Variants in TRAK1 observed in about 807,000 individuals in gnomAD.
The protein encoded by TRAK1 is trafficking kinesin-binding protein 1.
Under a neutral mutation model 92.1 loss-of-function variants are expected in TRAK1, and 33 were observed. The ratio of observed to expected loss-of-function variants is 0.36; its 90% CI spans 0.27 to 0.48. TRAK1 has a LOEUF of 0.48. Ranked by LOEUF, TRAK1 falls within the 20% of genes least tolerant of loss-of-function variation. TRAK1 has a pLI of 0.99. For synonymous variants in TRAK1, 521 were observed against 517.3 expected (o/e 1.01, Z -0.10); for missense variants, 1,123 against 1,257.9 (o/e 0.89, Z 1.62).
intron 2 of TRAK1, among the ~76,000 whole-genome samples, chr3:42,139,904 C>T (rs11129942): frequency 0.62 from 94,021 of 151,760 alleles, 29,404 homozygotes; most frequent in South Asian, 0.77. Flanking sequence ...GCTTCTGGTT[C>T]ACTTGTGTTT....
chr3:42,216,627 G>T (rs1158572350), intron 14 of TRAK1, among the ~76,000 whole-genome samples: 1 of 152,220 alleles, frequency 6.6e-6, no homozygotes, highest in African/African-American at 2.4e-5. Flanking sequence ...CAACACAGGA[G>T]ATCTTGAATA....
At chr3:42,016,765 C>G (rs972360375) in intron 1 of TRAK1, among the ~76,000 whole-genome samples, 5 of 152,124 alleles carry the variant, frequency 3.3e-5, no homozygotes, top group African/African-American at 9.7e-5. Context: ...AGGGACAGTT[C>G]TTTTTTTACC....
chr3:42,071,410 A>G (rs772178807), intron 1 of TRAK1, among the ~76,000 whole-genome samples: 2 of 152,076 alleles, frequency 1.3e-5, no homozygotes, highest in South Asian at 2.1e-4. Flanking sequence ...TTGCCTTCCC[A>G]TAGATACCCA....
intron 5 of TRAK1, among the ~76,000 whole-genome samples, chr3:42,188,558 G>A (rs1705228258): frequency 6.6e-6 from 1 of 152,192 alleles, no homozygotes. Flanking sequence ...AGAGCCCAGT[G>A]GGCTGGTTGC....
chr3:42,129,745 C>T (rs762799821), intron 2 of TRAK1, among the ~76,000 whole-genome samples: 6 of 152,138 alleles, frequency 3.9e-5, no homozygotes, highest in Non-Finnish European at 7.3e-5. Context: ...GCATTCTGCA[C>T]ATGAGGATGG....
intron 14 of TRAK1, chr3:42,217,365 GA>G (rs1390403276): frequency 1.0e-6 from 1 of 985,264 alleles, no homozygotes; most frequent in Non-Finnish European, 1.2e-6. Context: ...GAAACTTGTT[GA>G]TCTTCCTTGG....
chr3:42,072,136 C>T lies in TRAK1; in HGVS notation c.-518-14968C>T, dbSNP rs149413380. Reference sequence around the variant, plus strand: ...CCCTTGGCTGGCAGTATTAAGCGTCCGGAGGCCACTATGTACCCAAAACAG... The same window carrying T: ...CCCTTGGCTGGCAGTATTAAGCGTCTGGAGGCCACTATGTACCCAAAACAG... On this transcript the variant is annotated intron_variant, in intron 1 of 16. Coordinates refer to the TRAK1 transcript ENST00000487159. Among the ~76,000 whole-genome samples the T allele has an allele frequency of 1.3e-3, 193 of 152,290 alleles. No individual in the cohort carries two copies. In the East Asian group the frequency reaches 0.014, roughly 11 times the overall value.
rs11293523 is a variant in TRAK1 at position 42,183,553 on chromosome 3, T to TAAAAAA, written c.364-1119_364-1114dup. ...CTGGGTGACAGAGTGAGACTCTGTC[T>TAAAAAA]AAAAAAAAAAAAAAAAAAGAAAGAA... On this transcript the variant is annotated intron_variant, in intron 3 of 15. Transcript: ENST00000327628. 2.2e-3 allele frequency among the ~76,000 whole-genome samples: 257 copies of TAAAAAA among 117,320 alleles called. 2 individuals carry two copies. Among genetic ancestry groups the TAAAAAA allele is most frequent in the African/African-American group, 7.3e-3 (229 of 31,378 alleles). 77.0% of individuals were successfully genotyped at this position (117,320 alleles called of 152,430 possible). A position where few individuals can be genotyped will look rare whatever the true frequency, so the allele number is the denominator to read the frequency against.
chr3:42,120,043 A>T (rs2149113998), intron 1 of TRAK1, among the ~76,000 whole-genome samples: 1 of 152,306 alleles, frequency 6.6e-6, no homozygotes, highest in African/African-American at 2.4e-5. Context: ...TCTATTTAAA[A>T]CAAAAAATAA....
intron 2 of TRAK1, among the ~76,000 whole-genome samples, chr3:42,151,913 G>C (rs1052290714): frequency 1.3e-5 from 2 of 152,132 alleles, no homozygotes; most frequent in Non-Finnish European, 2.9e-5. Flanking sequence ...ACTAATAAAA[G>C]GTGAGTCAAA....
In TRAK1 at chr3:42,203,336, G is replaced by A. The variant is rs193260353; in HGVS notation, c.1744+584G>A. On this transcript the variant is annotated intron_variant, in intron 13 of 15. Transcript: ENST00000327628. ...CGGCTCCTAGAGTCTACAATTTGGA[G>A]TCCAGGAAGGGGTGGCTGTGGAGAC... 4,053 of 987,410 alleles carry A rather than the reference G, an allele frequency of 4.1e-3. 18 individuals carry two copies. The highest frequency in any genetic ancestry group is 0.021 in the South Asian group (437 of 21,294). The allele number at this position is 987,410 out of a possible 1,614,324, so 61.2% of individuals were successfully genotyped here.
At chr3:42,191,247 A>G (rs921045112) in intron 6 of TRAK1, among the ~76,000 whole-genome samples, 2 of 152,176 alleles carry the variant, frequency 1.3e-5, no homozygotes, top group Non-Finnish European at 1.5e-5. Flanking sequence ...CAAATAACAG[A>G]TACAATGATA....
chr3:42,046,515 TC>T (rs948495262), intron 1 of TRAK1, among the ~76,000 whole-genome samples: 1 of 152,156 alleles, frequency 6.6e-6, no homozygotes, highest in Non-Finnish European at 1.5e-5. Context: ...TGCCTGGGCT[TC>T]CCTTCTGGAG....
intron 1 of TRAK1, among the ~76,000 whole-genome samples, chr3:42,029,738 C>T (rs1702047519): frequency 6.6e-6 from 1 of 151,966 alleles, no homozygotes; most frequent in African/African-American, 2.4e-5. Flanking sequence ...TTAGTAGAGA[C>T]GAGGTTTTGC....
intron 1 of TRAK1, among the ~76,000 whole-genome samples, chr3:42,109,306 A>T (rs544343304): frequency 6.6e-6 from 1 of 152,220 alleles, no homozygotes. Context: ...GCATAACTCC[A>T]TCAAACCCAA....
At chr3:42,149,435 C>A in intron 2 of TRAK1, 1 of 1,517,506 alleles carries the variant, frequency 6.6e-7, no homozygotes, top group Non-Finnish European at 8.8e-7. Context: ...TCGGGATATT[C>A]TTCTGTCCAG....
At chr3:42,140,902 A>C (rs981808588) in intron 2 of TRAK1, among the ~76,000 whole-genome samples, 2 of 151,944 alleles carry the variant, frequency 1.3e-5, no homozygotes, top group African/African-American at 4.8e-5. Flanking sequence ...GGGGGTTGGG[A>C]CCTCGGAGGG....
chr3:42,017,391 C>T (rs1256330760), intron 1 of TRAK1, among the ~76,000 whole-genome samples: 1 of 151,702 alleles, frequency 6.6e-6, no homozygotes, highest in African/African-American at 2.4e-5. Flanking sequence ...AACCCAAGGG[C>T]TTATGTGGGT....
intron 2 of TRAK1, among the ~76,000 whole-genome samples, chr3:42,145,039 T>G (rs1699157250): frequency 6.6e-6 from 1 of 152,254 alleles, no homozygotes; most frequent in Non-Finnish European, 1.5e-5. Flanking sequence ...GCGGATTGAT[T>G]GGTAAAAAGT....
Sources: allele counts gnomAD v4.1 joint callset (sites outside exome capture counted in the v4.1 genomes callset), GRCh38; gene constraint gnomAD v4.1.1; transcripts MANE v1.5; gene names NCBI Gene and HGNC (gene_info 2026-07-23, HGNC 2026-07-21).